The following RALGAPA1 variants were observed in gnomAD, a reference collection of about 807,000 sequenced individuals.
RALGAPA1 encodes the protein ral GTPase-activating protein subunit alpha-1.
RALGAPA1 carries 52 observed loss-of-function variants against 269.6 expected under a neutral mutation model. That is an observed-to-expected ratio of 0.19 (90% CI 0.15 to 0.24). The LOEUF (loss-of-function observed/expected upper bound fraction) is 0.24. RALGAPA1 is among the 10% of genes least tolerant of loss of function. The pLI is 1.00. For missense variants in RALGAPA1, 1,917 were observed against 3,013.9 expected, an observed-to-expected ratio of 0.64 and a Z score of 8.52; for synonymous variants, 817 against 1,008.3, an observed-to-expected ratio of 0.81 and a Z score of 3.60.
intron 28 of RALGAPA1, among the ~76,000 whole-genome samples, chr14:35,656,509 G>A (rs1328712202): frequency 2.0e-5 from 3 of 152,180 alleles, no homozygotes; most frequent in Non-Finnish European, 4.4e-5. Flanking sequence ...AGCTTGAAGA[G>A]AGTTATTTTA....
At chr14:35,614,125 C>T (rs773144070) in intron 35 of RALGAPA1, among the ~76,000 whole-genome samples, 2 of 151,988 alleles carry the variant, frequency 1.3e-5, no homozygotes, top group Non-Finnish European at 1.5e-5. Context: ...CATACACCAT[C>T]GGTGGGAAGG....
chr14:35,641,634 TGAAA>T (rs1441074394), intron 31 of RALGAPA1, among the ~76,000 whole-genome samples: 1 of 152,190 alleles, frequency 6.6e-6, no homozygotes, highest in African/African-American at 2.4e-5. Context: ...GTTCATGTAT[TGAAA>T]GAATCATTAT....
At chr14:35,728,084 T>C (rs2070130167) in intron 13 of RALGAPA1, among the ~76,000 whole-genome samples, 1 of 152,192 alleles carries the variant, frequency 6.6e-6, no homozygotes, top group Non-Finnish European at 1.5e-5. Context: ...TCATATACAT[T>C]TGTATGCATG....
intron 36 of RALGAPA1, among the ~76,000 whole-genome samples, chr14:35,597,904 C>T (rs939463440): frequency 1.3e-5 from 2 of 152,156 alleles, no homozygotes; most frequent in African/African-American, 2.4e-5. Flanking sequence ...TATTTCAATG[C>T]TTTTAAATTT....
chr14:35,643,412 G>A (rs2062162665), intron 31 of RALGAPA1, among the ~76,000 whole-genome samples: 1 of 152,118 alleles, frequency 6.6e-6, no homozygotes, highest in Non-Finnish European at 1.5e-5. Context: ...GGAGAAAAGG[G>A]AACCCTCATA....
Position 35,538,373 on chromosome 14 carries a change from A to AT in RALGAPA1, c.*1340dup, listed in dbSNP as rs905570672. ...CTCATGGATAGGAAGTGATAAGAAT[A>AT]TTTTTATTGTATTATTAAATACCAT... On this transcript the variant is annotated 3_prime_UTR_variant, in exon 42 of 42. Coordinates refer to ENST00000680220, the MANE Select transcript of RALGAPA1 (RefSeq NM_001346249.2). 2.6e-5 allele frequency: 4 copies of AT among 152,380 alleles called. No homozygotes were observed. Among genetic ancestry groups the AT allele is most frequent in the Non-Finnish European group, 4.4e-5 (3 of 68,042 alleles). 9.4% of individuals were successfully genotyped at this position (152,380 alleles called of 1,614,324 possible). A position where few individuals can be genotyped will look rare whatever the true frequency, so the allele number is the denominator to read the frequency against.
At chr14:35,750,215 A>G (rs547165595) in intron 9 of RALGAPA1, among the ~76,000 whole-genome samples, 4 of 152,190 alleles carry the variant, frequency 2.6e-5, no homozygotes, top group Non-Finnish European at 4.4e-5. Context: ...ACAATAAAGA[A>G]TATTTTTAGT....
At chr14:35,730,050 A>C (rs551932541) in intron 12 of RALGAPA1, among the ~76,000 whole-genome samples, 72 of 152,338 alleles carry the variant, frequency 4.7e-4, no homozygotes, top group African/African-American at 1.6e-3. Flanking sequence ...GAGACACTCC[A>C]AATGCTGTGA....
chr14:35,543,380 A>G (rs1004444413), intron 41 of RALGAPA1, among the ~76,000 whole-genome samples: 27 of 152,348 alleles, frequency 1.8e-4, no homozygotes, highest in African/African-American at 6.3e-4. Flanking sequence ...AGGGATAGAA[A>G]TGAGGAACAT....
At chr14:35,549,351 C>A in intron 39 of RALGAPA1, 117 bp from the exon 40 acceptor site, 1 of 1,019,040 alleles carries the variant, frequency 9.8e-7, no homozygotes, top group Non-Finnish European at 1.4e-6. Flanking sequence ...GAATTATTCA[C>A]TAATTATTCT....
chr14:35,595,854 T>A (rs2058901672), intron 36 of RALGAPA1, 65 bp from the exon 37 acceptor site: 1 of 1,347,718 alleles, frequency 7.4e-7, no homozygotes, highest in South Asian at 1.4e-5. Flanking sequence ...AGAGAAAGAC[T>A]CAAACTTCTT....
chr14:35,570,541 A>C (rs1278408414), intron 39 of RALGAPA1, 76 bp downstream of exon 39: 1 of 1,194,070 alleles, frequency 8.4e-7, no homozygotes, highest in Non-Finnish European at 1.1e-6. Context: ...AAAGGCTTTA[A>C]CAATATATAA....
intron 35 of RALGAPA1, among the ~76,000 whole-genome samples, chr14:35,615,451 G>A (rs1566829104): frequency 6.6e-6 from 1 of 152,156 alleles, no homozygotes; most frequent in Non-Finnish European, 1.5e-5. Flanking sequence ...CCCTAGACAA[G>A]TAATCAGGTT....
chr14:35,587,196 T>C (rs2058352465), intron 37 of RALGAPA1, among the ~76,000 whole-genome samples: 1 of 152,128 alleles, frequency 6.6e-6, no homozygotes, highest in African/African-American at 2.4e-5. Context: ...CTTGGGAGGG[T>C]GTATGTGTCC....
intron 20 of RALGAPA1, among the ~76,000 whole-genome samples, chr14:35,684,422 T>C (rs562177964): frequency 1.3e-5 from 2 of 152,300 alleles, no homozygotes; most frequent in East Asian, 3.9e-4. Flanking sequence ...AATCCAAATA[T>C]TTGGTTCTCA....
intron 30 of RALGAPA1, 151 bp downstream of exon 30, chr14:35,654,216 A>G (rs1332493327): frequency 2.6e-6 from 2 of 759,848 alleles, no homozygotes; most frequent in East Asian, 3.2e-5. Flanking sequence ...GGGAACTATC[A>G]TGAACTTTGA....
intron 17 of RALGAPA1, among the ~76,000 whole-genome samples, chr14:35,695,458 C>T (rs1490698069): frequency 6.6e-6 from 1 of 151,976 alleles, no homozygotes; most frequent in East Asian, 1.9e-4. Context: ...TTGACAGTCA[C>T]AAAACAGAAG....
intron 36 of RALGAPA1, among the ~76,000 whole-genome samples, chr14:35,601,683 G>A (rs561731392): frequency 6.6e-6 from 1 of 152,102 alleles, no homozygotes; most frequent in Non-Finnish European, 1.5e-5. Context: ...CAGAAAATGC[G>A]CCACTATGTC....
chr14:35,686,383 TA>T (rs1409120334), intron 19 of RALGAPA1, among the ~76,000 whole-genome samples, 158 bp downstream of exon 19: 1 of 152,116 alleles, frequency 6.6e-6, no homozygotes, highest in Non-Finnish European at 1.5e-5. Flanking sequence ...TATAAAAATG[TA>T]ATTCAAAAAT....
Sources: allele counts gnomAD v4.1 joint callset (sites outside exome capture counted in the v4.1 genomes callset), GRCh38; gene constraint gnomAD v4.1.1; transcripts MANE v1.5; gene names NCBI Gene and HGNC (gene_info 2026-07-23, HGNC 2026-07-21).